The following TRIO variants were observed in gnomAD, a reference collection of about 807,000 sequenced individuals.
TRIO encodes trio Rho guanine nucleotide exchange factor, also known as triple functional domain protein.
TRIO carries 58 observed loss-of-function variants against 351.9 expected under a neutral mutation model. The ratio of observed to expected loss-of-function variants is 0.16; its 90% CI spans 0.13 to 0.21. TRIO has a LOEUF of 0.21. Among genes scored for constraint, TRIO ranks in the 10% least tolerant of loss-of-function variants. The pLI is 1.00. For missense variants in TRIO, 3,201 were observed against 4,027.8 expected, an observed-to-expected ratio of 0.79 and a Z score of 5.56; for synonymous variants, 1,758 against 1,595.7, an observed-to-expected ratio of 1.10 and a Z score of -2.42.
chr5:14,461,031 T>A lies in TRIO; in HGVS notation c.5216T>A (p.Val1739Asp). ...GIFNHKDSLS[V>D]SSNDASPPAS... is the part of the protein sequence containing the mutation. ...TTCTCCCTGGCAGACTCGCTCTCCGTCTCCAGCAATGACGCCAGTCCACCC... is the reference window on the plus strand; with the variant it reads ...TTCTCCCTGGCAGACTCGCTCTCCGACTCCAGCAATGACGCCAGTCCACCC... The change falls in exon 35 of 57, where the codon GTC (valine) becomes GAC (aspartate). Residue 1739 changes from valine to aspartate, a missense_variant. Physicochemically the swap from Val to Asp is radical, Grantham distance 152. This residue lies in a region of TRIO where 193 missense variants were observed against 218.8 expected (regional missense o/e 0.88). Transcript: ENST00000344204. The A allele has an allele frequency of 6.4e-7, 1 of 1,574,716 alleles. No individual in the cohort carries two copies. The highest frequency in any genetic ancestry group is 1.8e-5 in the Admixed American group (1 of 56,754).
intron 1 of TRIO, among the ~76,000 whole-genome samples, chr5:14,231,617 T>C (rs1458413841): frequency 2.0e-5 from 3 of 152,144 alleles, no homozygotes; most frequent in Non-Finnish European, 4.4e-5. Flanking sequence ...AAGCATAGAG[T>C]CGTTTCTCAG....
chr5:14,194,098 T>C (rs1448173226), intron 1 of TRIO, among the ~76,000 whole-genome samples: 1 of 152,172 alleles, frequency 6.6e-6, no homozygotes, highest in African/African-American at 2.4e-5. Flanking sequence ...TTCTGTCCAC[T>C]CAAATGTTGA....
chr5:14,399,508 A>G (rs1030839946), intron 30 of TRIO: 1 of 183,488 alleles, frequency 5.4e-6, no homozygotes, highest in African/African-American at 2.3e-5. Flanking sequence ...ATATAAGTGC[A>G]TGAGTAAATT....
chr5:14,388,168 T>A (rs1467526997), intron 23 of TRIO, among the ~76,000 whole-genome samples: 1 of 152,232 alleles, frequency 6.6e-6, no homozygotes, highest in Non-Finnish European at 1.5e-5. Context: ...GTGTAAAAGT[T>A]GCCAGTTAGT....
chr5:14,417,794 A>T (rs189981601), intron 33 of TRIO, among the ~76,000 whole-genome samples: 1 of 152,216 alleles, frequency 6.6e-6, no homozygotes, highest in Admixed American at 6.5e-5. Context: ...TTTCAAATGC[A>T]TTGCCTTCAT....
Position 14,263,729 on chromosome 5 carries a change from C to T in TRIO, c.158-7096C>T, listed in dbSNP as rs371803520. On this transcript the variant is annotated intron_variant, in intron 1 of 56. Coordinates refer to ENST00000344204, the MANE Select transcript of TRIO (RefSeq NM_007118.4). ...TGGGGCAGGACAGCATCACAGAACC[C>T]TATATGTGCATGTATGTGTGTGTGT... Among the ~76,000 whole-genome samples, 2 of 152,108 alleles carry T rather than the reference C, an allele frequency of 1.3e-5. 1 individual carries two copies.
chr5:14,306,451 G>C (rs1379826419), intron 8 of TRIO, among the ~76,000 whole-genome samples: 1 of 152,090 alleles, frequency 6.6e-6, no homozygotes, highest in African/African-American at 2.4e-5. Context: ...GTTCTTTCCC[G>C]TGATGTGCCA....
intron 9 of TRIO, among the ~76,000 whole-genome samples, chr5:14,327,460 G>C (rs944794750): frequency 3.9e-5 from 6 of 152,078 alleles, no homozygotes; most frequent in Admixed American, 3.9e-4. Flanking sequence ...CACCGCGCCT[G>C]GCCAGAAACA....
At chr5:14,488,642 C>T (rs1756233105) in intron 48 of TRIO, 2 of 525,860 alleles carry the variant, frequency 3.8e-6, no homozygotes, top group Non-Finnish European at 6.8e-6. Context: ...AACCTGTACA[C>T]TTTAAGCTTT....
At chr5:14,177,371 T>C (rs993939205) in intron 1 of TRIO, among the ~76,000 whole-genome samples, 1 of 152,102 alleles carries the variant, frequency 6.6e-6, no homozygotes, top group Non-Finnish European at 1.5e-5. Flanking sequence ...AACATAGAGG[T>C]CTTTTTAGTG....
At chr5:14,490,927 C>A in intron 48 of TRIO, 1 of 449,224 alleles carries the variant, frequency 2.2e-6, no homozygotes, top group Non-Finnish European at 4.5e-6. Context: ...AAGTATAATG[C>A]ATAAATGAGT....
chr5:14,234,317 G>A (rs1392984220), intron 1 of TRIO, among the ~76,000 whole-genome samples: 1 of 152,190 alleles, frequency 6.6e-6, no homozygotes, highest in Non-Finnish European at 1.5e-5. Context: ...GGGCAGTAGA[G>A]ACCTTAGAAG....
At chr5:14,441,932 G>A (rs944727649) in intron 34 of TRIO, among the ~76,000 whole-genome samples, 7 of 152,230 alleles carry the variant, frequency 4.6e-5, no homozygotes, top group Non-Finnish European at 1.0e-4. Context: ...CTAGGGAAAA[G>A]ACGTGAAGAT....
chr5:14,481,772 T>C lies in TRIO; in HGVS notation c.6465+154T>C, dbSNP rs867619654. 5.2e-3 allele frequency: 503 copies of C among 96,784 alleles called. 2 individuals are homozygous for C. Among genetic ancestry groups the C allele is most frequent in the African/African-American group, 0.02 (463 of 22,588 alleles). The allele number at this position is 96,784 out of a possible 1,614,324, so 6.0% of individuals were successfully genotyped here. ...TCAATCTGATTGATATTTTATTTCC[T>C]TTTTTTTTTTTTTTTTTTTTTTGGT... On this transcript the variant is annotated intron_variant, in intron 45 of 56. Coordinates refer to ENST00000344204, the MANE Select transcript of TRIO (RefSeq NM_007118.4).
At chr5:14,182,659 T>C (rs1789859307) in intron 1 of TRIO, among the ~76,000 whole-genome samples, 1 of 152,212 alleles carries the variant, frequency 6.6e-6, no homozygotes, top group South Asian at 2.1e-4. Context: ...TGCTGTACTT[T>C]TTCTCTGATT....
intron 32 of TRIO, chr5:14,406,207 C>T: frequency 1.4e-6 from 1 of 706,508 alleles, no homozygotes; most frequent in South Asian, 2.0e-5. Context: ...TGTGTGCAAA[C>T]CTCTCATTGT....
Position 14,508,392 on chromosome 5 carries a change from T to A in TRIO, c.9264T>A (p.Phe3088Leu), listed in dbSNP as rs983114845. 2 of 1,612,208 alleles carry A rather than the reference T, an allele frequency of 1.2e-6. No individual in the cohort carries two copies. The highest frequency in any genetic ancestry group is 1.7e-6 in the Non-Finnish European group (2 of 1,178,646). The change falls in exon 57 of 57, where the codon TTT (phenylalanine) becomes TTA (leucine). Residue 3088 changes from phenylalanine (F) to leucine (L), a missense_variant. Phe to Leu is a conservative substitution (Grantham distance 22). This residue lies in a region of TRIO where 233 missense variants were observed against 292.6 expected (regional missense o/e 0.80). Transcript: ENST00000344204. ...GACCTATCCGTAGCATTAAAAACTT[T>A]CTGCAGAGCAGGCTTCTGCCTAGAG... ...DVRPIRSIKN[F>L]LQSRLLPRV
intron 34 of TRIO, among the ~76,000 whole-genome samples, chr5:14,455,002 C>T (rs1753158984): frequency 6.6e-6 from 1 of 150,582 alleles, no homozygotes; most frequent in South Asian, 2.1e-4. Context: ...ATCTCTTGTC[C>T]AGAGTTGTTC....
At chr5:14,279,244 A>G (rs974486316) in intron 2 of TRIO, among the ~76,000 whole-genome samples, 2 of 152,252 alleles carry the variant, frequency 1.3e-5, no homozygotes, top group African/African-American at 4.8e-5. Flanking sequence ...ATTTAGAATG[A>G]GTACATAATT....
Sources: allele counts gnomAD v4.1 joint callset (sites outside exome capture counted in the v4.1 genomes callset), GRCh38; gene constraint gnomAD v4.1.1; regional missense constraint gnomAD v4.1.1; transcripts MANE v1.5; gene names NCBI Gene and HGNC (gene_info 2026-07-23, HGNC 2026-07-21).